Variants in STOX2 observed in about 807,000 individuals in gnomAD.
The protein encoded by STOX2 is storkhead box 2.
A neutral mutation model predicts 60.9 loss-of-function variants in STOX2; 28 were observed. That is an observed-to-expected ratio of 0.46 (90% CI 0.34 to 0.63). The LOEUF (loss-of-function observed/expected upper bound fraction) is 0.63. STOX2 is among the 30% of genes least tolerant of loss of function. The pLI, the probability that STOX2 is intolerant of heterozygous loss-of-function variation, is 0.01. For missense variants in STOX2, 1,024 were observed against 1,187.7 expected, an observed-to-expected ratio of 0.86 and a Z score of 2.03; for synonymous variants, 472 against 463.9, an observed-to-expected ratio of 1.02 and a Z score of -0.22.
At chr4:183,888,142 G>A (rs1293081660) in intron 1 of STOX2, among the ~76,000 whole-genome samples, 2 of 152,166 alleles carry the variant, frequency 1.3e-5, no homozygotes, top group African/African-American at 4.8e-5. Context: ...AAAATATGGT[G>A]TTGGAGACCT....
intron 1 of STOX2, among the ~76,000 whole-genome samples, chr4:183,913,106 G>A (rs1199672037): frequency 6.6e-6 from 1 of 152,164 alleles, no homozygotes; most frequent in Non-Finnish European, 1.5e-5. Context: ...GGACTTACTT[G>A]GGTCTTGAAG....
At chr4:183,992,165 G>A (rs914821287) in intron 1 of STOX2, among the ~76,000 whole-genome samples, 3 of 152,154 alleles carry the variant, frequency 2.0e-5, no homozygotes, top group Non-Finnish European at 4.4e-5. Context: ...TTTTAGGGGG[G>A]TTGGTTGGTA....
chr4:183,857,520 C>T (rs371548136), intron 1 of STOX2, among the ~76,000 whole-genome samples: 5 of 152,326 alleles, frequency 3.3e-5, no homozygotes, highest in African/African-American at 1.2e-4. Flanking sequence ...AGGTCATCTC[C>T]GAATTTGAGG....
chr4:183,850,935 T>G (rs1464727666), intron 1 of STOX2, among the ~76,000 whole-genome samples: 3 of 117,500 alleles, frequency 2.6e-5, no homozygotes, highest in African/African-American at 6.7e-5. Flanking sequence ...AGGGAAAGGA[T>G]GAGGGAAAGG....
upstream of STOX2, among the ~76,000 whole-genome samples, chr4:183,900,831 A>T (rs1456451758): frequency 6.6e-6 from 1 of 152,232 alleles, no homozygotes; most frequent in South Asian, 2.1e-4. Flanking sequence ...TTTAAAGTGC[A>T]TCTATAAATT....
chr4:183,976,084 A>G (rs980365174), intron 1 of STOX2, among the ~76,000 whole-genome samples: 1 of 152,230 alleles, frequency 6.6e-6, no homozygotes, highest in Non-Finnish European at 1.5e-5. Flanking sequence ...AGGCCAAGGC[A>G]GGCAGATCAT....
At chr4:183,922,312 T>TAA (rs553464235) in intron 1 of STOX2, among the ~76,000 whole-genome samples, 190 of 146,330 alleles carry the variant, frequency 1.3e-3, no homozygotes, top group African/African-American at 4.5e-3. Flanking sequence ...CAAATTGTGG[T>TAA]AAAAAAAAAA....
intron 1 of STOX2, chr4:183,798,886 T>A: frequency 1.8e-6 from 1 of 541,528 alleles, no homozygotes; most frequent in African/African-American, 2.0e-5. Context: ...GTTTTGTACT[T>A]TGGGTTTTAT....
Position 183,865,914 on chromosome 4 carries a change from T to C in STOX2, c.364+67859T>C, listed in dbSNP as rs774955632. Among the ~76,000 whole-genome samples the C allele has an allele frequency of 1.3e-5, 2 of 152,112 alleles. No homozygotes were observed. The highest frequency in any genetic ancestry group is 2.9e-5 in the Non-Finnish European group (2 of 68,020). On this transcript the variant is annotated intron_variant, in intron 1 of 2. Transcript: ENST00000513034. The surrounding 1 kb of genome is among the most constrained non-coding windows in gnomAD (Gnocchi z 4.1). ...TCCATTAAAACAACGTTTAAGCTGA[T>C]GAGTGGCGTGATAAAGATTAGGCTT...
At chr4:183,999,416 C>A (rs1222896332) in intron 1 of STOX2, among the ~76,000 whole-genome samples, 1 of 152,176 alleles carries the variant, frequency 6.6e-6, no homozygotes, top group African/African-American at 2.4e-5. Flanking sequence ...TAAGCTAGGT[C>A]AGTTCCTGGC....
intron 1 of STOX2, among the ~76,000 whole-genome samples, chr4:183,891,358 T>TTATA (rs60300009): frequency 1.4e-4 from 12 of 85,144 alleles, no homozygotes; most frequent in Non-Finnish European, 1.9e-4. Context: ...ATGATGGAAT[T>TTATA]TATATATATA....
chr4:183,921,663 A>C (rs1415778223), intron 1 of STOX2, among the ~76,000 whole-genome samples: 1 of 152,252 alleles, frequency 6.6e-6, no homozygotes, highest in Admixed American at 6.5e-5. Context: ...ATAAGATTTA[A>C]TATAATACAA....
rs1734448085 is a variant in STOX2 at position 184,017,972 on chromosome 4, TG to T, written c.*689del. 6.6e-6 allele frequency: 1 copy of T among 152,186 alleles called. No homozygotes were observed. The highest frequency in any genetic ancestry group is 2.1e-4 in the South Asian group (1 of 4,828). 9.4% of individuals were successfully genotyped at this position (152,186 alleles called of 1,614,324 possible). On this transcript the variant is annotated 3_prime_UTR_variant, in exon 4 of 4. Coordinates refer to ENST00000308497, the MANE Select transcript of STOX2 (RefSeq NM_020225.3). ...ATGTTTTCAGGGTTTTGTTTTGAAG[TG>T]TCACAGATGCTTGTCTGATTTTTTT...
At chr4:183,988,093 ACC>A (rs35046209) in intron 1 of STOX2, among the ~76,000 whole-genome samples, 36,704 of 151,770 alleles carry the variant, frequency 0.24, 4,708 homozygotes, top group Non-Finnish European at 0.29. Context: ...GCCCCTCGCC[ACC>A]CCGCGCCTGG....
chr4:183,903,884 T>C (rs986079995), upstream of STOX2, among the ~76,000 whole-genome samples: 3 of 152,234 alleles, frequency 2.0e-5, no homozygotes, highest in South Asian at 2.1e-4. Flanking sequence ...TTGGGATGAT[T>C]TGAGTGCATT....
chr4:183,843,458 G>C (rs1490863969), intron 1 of STOX2, among the ~76,000 whole-genome samples: 3 of 152,150 alleles, frequency 2.0e-5, no homozygotes, highest in Non-Finnish European at 4.4e-5. Flanking sequence ...GTACCTTCCT[G>C]GGCACTGAAC....
At chr4:183,984,070 C>A (rs1732753541) in intron 1 of STOX2, among the ~76,000 whole-genome samples, 2 of 152,252 alleles carry the variant, frequency 1.3e-5, no homozygotes, top group East Asian at 1.9e-4. Context: ...CACCTCCACA[C>A]CTTGTCCATG....
At chr4:183,852,815 A>T (rs1024251604) in intron 1 of STOX2, among the ~76,000 whole-genome samples, 55 of 152,348 alleles carry the variant, frequency 3.6e-4, no homozygotes, top group African/African-American at 1.2e-3. Context: ...AGTAGTAGAG[A>T]GTAGAAATCT....
chr4:183,830,069 T>C (rs1209369161), intron 1 of STOX2, among the ~76,000 whole-genome samples: 1 of 152,182 alleles, frequency 6.6e-6, no homozygotes, highest in East Asian at 1.9e-4. Context: ...ATTGTGACTA[T>C]TTCTGGGCTG....
Sources: allele counts gnomAD v4.1 joint callset (sites outside exome capture counted in the v4.1 genomes callset), GRCh38; gene constraint gnomAD v4.1.1; non-coding constraint Gnocchi (gnomAD v3.1); transcripts MANE v1.5; gene names NCBI Gene and HGNC (gene_info 2026-07-23, HGNC 2026-07-21).